Variants in COLQ observed in about 807,000 individuals in gnomAD.
COLQ encodes collagen like tail subunit of asymmetric acetylcholinesterase, also known as acetylcholinesterase collagenic tail peptide.
A neutral mutation model predicts 69.0 loss-of-function variants in COLQ; 48 were observed. The observed-to-expected ratio is 0.70, with a 90% CI of 0.55 to 0.88. The LOEUF (loss-of-function observed/expected upper bound fraction) is 0.88. Ranked by LOEUF, COLQ falls within the 40% of genes least tolerant of loss-of-function variation. The probability of loss-of-function intolerance (pLI) is 0.00; values close to 1 mark genes in which losing one functional copy is unlikely to be tolerated. For missense variants in COLQ, 618 were observed against 594.6 expected (o/e 1.04, Z -0.41); for synonymous variants, 217 against 211.2 (o/e 1.03, Z -0.24).
intron 1 of COLQ, 135 bp from the exon 2 acceptor site, chr3:15,489,772 G>A (rs2062633975): frequency 2.7e-6 from 2 of 737,378 alleles, no homozygotes; most frequent in Non-Finnish European, 4.8e-6. Context: ...ATGTGGATAG[G>A]CCTCCTGTTG....
At chr3:15,461,189 T>TCCCCGCCCCCC (rs549486422) in intron 12 of COLQ, among the ~76,000 whole-genome samples, 4 of 144,072 alleles carry the variant, frequency 2.8e-5, no homozygotes, top group Non-Finnish European at 4.5e-5. Flanking sequence ...TTGCCTTTAT[T>TCCCCGCCCCCC]CCCCCCCCGA....
chr3:15,504,935 CA>C (rs1410490021), intron 1 of COLQ, among the ~76,000 whole-genome samples: 2 of 152,224 alleles, frequency 1.3e-5, no homozygotes, highest in African/African-American at 4.8e-5. Context: ...GGGGCTTCAA[CA>C]TGAATTTGGG....
At chr3:15,472,987 G>T (rs34573736) in intron 10 of COLQ, among the ~76,000 whole-genome samples, 29,264 of 150,840 alleles carry the variant, frequency 0.19, 3,449 homozygotes, top group Non-Finnish European at 0.26. Context: ...AGCCTCCTGA[G>T]TCGCTGGGAC....
At chr3:15,469,894 A>G (rs1281466121) in intron 11 of COLQ, among the ~76,000 whole-genome samples, 1 of 152,198 alleles carries the variant, frequency 6.6e-6, no homozygotes, top group Non-Finnish European at 1.5e-5. Flanking sequence ...GAAATAAGTA[A>G]AAGAATGGAA....
chr3:15,453,536 C>T (rs2061979010), intron 16 of COLQ, among the ~76,000 whole-genome samples: 1 of 152,172 alleles, frequency 6.6e-6, no homozygotes, highest in Admixed American at 6.5e-5. Context: ...GGTTTGGGGG[C>T]TGCTCATGCA....
At chr3:15,491,232 A>T (rs2062661301) in intron 1 of COLQ, among the ~76,000 whole-genome samples, 1 of 152,224 alleles carries the variant, frequency 6.6e-6, no homozygotes, top group South Asian at 2.1e-4. Flanking sequence ...ACCAAAATGC[A>T]TGTATTAAAA....
At chr3:15,491,360 T>A (rs2062663502) in intron 1 of COLQ, among the ~76,000 whole-genome samples, 1 of 152,184 alleles carries the variant, frequency 6.6e-6, no homozygotes, top group African/African-American at 2.4e-5. Flanking sequence ...TCACAGAACA[T>A]GCACGCCACA....
At chr3:15,500,195 A>C (rs1479808499) in intron 1 of COLQ, among the ~76,000 whole-genome samples, 2 of 152,188 alleles carry the variant, frequency 1.3e-5, no homozygotes, top group African/African-American at 4.8e-5. Context: ...GGTGAGGCTT[A>C]GGCTGTGTTC....
intron 1 of COLQ, among the ~76,000 whole-genome samples, chr3:15,512,875 G>T (rs1417498932): frequency 1.3e-5 from 2 of 152,198 alleles, no homozygotes; most frequent in Non-Finnish European, 2.9e-5. Flanking sequence ...ATTTGCCAAG[G>T]TCACAAAGCT....
At chr3:15,499,022 C>CGG in intron 1 of COLQ, 2 of 1,026,836 alleles carry the variant, frequency 1.9e-6, no homozygotes, top group Non-Finnish European at 2.4e-6. Context: ...CAAAGTCAAC[C>CGG]CCCCACCGAG....
At chr3:15,501,058 C>A (rs889810236) in intron 1 of COLQ, among the ~76,000 whole-genome samples, 3 of 152,210 alleles carry the variant, frequency 2.0e-5, no homozygotes, top group African/African-American at 7.2e-5. Context: ...CCCTTTTACC[C>A]CTTGGTGAAC....
chr3:15,457,348 C>G (rs1467041413), intron 13 of COLQ, among the ~76,000 whole-genome samples: 1 of 151,552 alleles, frequency 6.6e-6, no homozygotes, highest in African/African-American at 2.4e-5. Flanking sequence ...CACAGCCACA[C>G]TAGATGGATG....
chr3:15,453,902 G>T lies in COLQ; in HGVS notation c.1225C>A (p.His409Asn), dbSNP rs1381582973. The part of the protein sequence containing the change: ...RCHRAYCGDG[H>N]RHEGVEDCDG... ...CAGTCCTCCACACCCTCATGCCGGT[G>T]ACCATCTCCACAGTAGGCACGGTGA... The change falls in exon 16 of 17, where the codon CAC (histidine) becomes AAC (asparagine). Residue 409 changes from histidine to asparagine, a missense_variant. His to Asn is a moderately conservative substitution (Grantham distance 68, BLOSUM62 1). Transcript: ENST00000383788. The T allele has an allele frequency of 6.2e-7, 1 of 1,611,042 alleles. No individual in the cohort carries two copies. Among genetic ancestry groups the T allele is most frequent in the Non-Finnish European group, 8.5e-7 (1 of 1,178,658 alleles).
At chr3:15,453,638 G>C (rs117614161) in intron 16 of COLQ, among the ~76,000 whole-genome samples, 191 bp downstream of exon 16, 2 of 152,208 alleles carry the variant, frequency 1.3e-5, no homozygotes, top group Non-Finnish European at 2.9e-5. Context: ...TCAGTGGCAC[G>C]CAGGCAGTGC....
chr3:15,516,761 C>A (rs2063068344), intron 1 of COLQ, among the ~76,000 whole-genome samples: 1 of 152,194 alleles, frequency 6.6e-6, no homozygotes, highest in Non-Finnish European at 1.5e-5. Context: ...AGTACCCTGG[C>A]AAGTCATGCA....
At chr3:15,503,618 G>A (rs557629008) in intron 1 of COLQ, among the ~76,000 whole-genome samples, 3 of 152,254 alleles carry the variant, frequency 2.0e-5, no homozygotes, top group South Asian at 2.1e-4. Context: ...GACACATTCC[G>A]TGATGTTCCC....
In COLQ at chr3:15,474,916, A is replaced by T. The variant is rs762388329; in HGVS notation, c.555+9T>A. On this transcript the variant is annotated intron_variant, in intron 8 of 16. Coordinates refer to ENST00000383788, the MANE Select transcript of COLQ (RefSeq NM_005677.4). ...AGGCTCTAGGACACCATCCAAGAAA[A>T]GCACTAACCTTTTCCCCTCTGGATC... 6 of 1,614,082 alleles carry T rather than the reference A, an allele frequency of 3.7e-6. No individual in the cohort carries two copies. In the South Asian group the frequency reaches 6.6e-5, roughly 18 times the overall value.
At chr3:15,486,079 A>G (rs544795334) in intron 3 of COLQ, among the ~76,000 whole-genome samples, 7 of 151,980 alleles carry the variant, frequency 4.6e-5, no homozygotes, top group African/African-American at 1.7e-4. Context: ...GAGAACCAGT[A>G]TCTTTGGTTT....
At chr3:15,454,686 C>T (rs576444006) in intron 15 of COLQ, among the ~76,000 whole-genome samples, 20 of 140,120 alleles carry the variant, frequency 1.4e-4, no homozygotes, top group East Asian at 6.2e-4. Flanking sequence ...GACAGGGTCT[C>T]GCTCTGTTTC....
Sources: gnomAD v4.1 joint callset for allele counts (sites outside exome capture counted in the v4.1 genomes callset) on GRCh38, gnomAD v4.1.1 for gene constraint, MANE v1.5 for transcripts, NCBI Gene and HGNC (gene_info 2026-07-23, HGNC 2026-07-21) for gene names.